The following GALNTL6 variants were observed in gnomAD, a reference collection of about 807,000 sequenced individuals.
GALNTL6 encodes the protein polypeptide N-acetylgalactosaminyltransferase like 6, also known as polypeptide N-acetylgalactosaminyltransferase-like 6.
GALNTL6 carries 46 observed loss-of-function variants against 73.7 expected under a neutral mutation model. That is an observed-to-expected ratio of 0.62 (90% CI 0.49 to 0.80). The LOEUF (loss-of-function observed/expected upper bound fraction) is 0.80. Among genes scored for constraint, GALNTL6 ranks in the 30% least tolerant of loss-of-function variants. The pLI, the probability that GALNTL6 is intolerant of heterozygous loss-of-function variation, is 0.00. For synonymous variants in GALNTL6, 259 were observed against 263.7 expected (o/e 0.98, Z 0.17); for missense variants, 604 against 755.0 (o/e 0.80, Z 2.34).
chr4:172,717,075 C>T (rs1362236173), intron 5 of GALNTL6, among the ~76,000 whole-genome samples: 1 of 152,250 alleles, frequency 6.6e-6, no homozygotes, highest in South Asian at 2.1e-4. Flanking sequence ...CTCACACCTA[C>T]CAGTTTTAAA....
chr4:172,787,339 G>T (rs542056701), intron 5 of GALNTL6, among the ~76,000 whole-genome samples: 2 of 152,252 alleles, frequency 1.3e-5, no homozygotes, highest in East Asian at 1.9e-4. Context: ...ATAGATCAGG[G>T]TTTCTTAATC....
chr4:172,340,422 A>G (rs982629874), intron 4 of GALNTL6, among the ~76,000 whole-genome samples: 8 of 152,232 alleles, frequency 5.3e-5, no homozygotes, highest in African/African-American at 1.7e-4. Flanking sequence ...TCTTGCATCT[A>G]TGTTCATCAG....
chr4:171,948,390 T>C (rs1738767363), intron 2 of GALNTL6, among the ~76,000 whole-genome samples: 1 of 152,200 alleles, frequency 6.6e-6, no homozygotes, highest in Non-Finnish European at 1.5e-5. Flanking sequence ...TGCCAGTGGC[T>C]ATGGCCCTGG....
chr4:172,248,739 A>G (rs2111009051), intron 3 of GALNTL6, among the ~76,000 whole-genome samples: 1 of 152,160 alleles, frequency 6.6e-6, no homozygotes, highest in East Asian at 1.9e-4. Context: ...ATAATGAGTA[A>G]GTTTTCACGA....
At chr4:172,235,457 T>A (rs1298135540) in intron 3 of GALNTL6, among the ~76,000 whole-genome samples, 1 of 152,170 alleles carries the variant, frequency 6.6e-6, no homozygotes, top group Non-Finnish European at 1.5e-5. Flanking sequence ...TCCGCCCACC[T>A]TGGCCTCCCA....
chr4:172,649,218 A>G (rs1464130640), intron 5 of GALNTL6, among the ~76,000 whole-genome samples: 1 of 152,170 alleles, frequency 6.6e-6, no homozygotes, highest in African/African-American at 2.4e-5. Context: ...AGAACAATAC[A>G]TTAGCCTGAA....
intron 2 of GALNTL6, among the ~76,000 whole-genome samples, chr4:172,089,960 T>C (rs1034961053): frequency 6.6e-6 from 1 of 152,212 alleles, no homozygotes; most frequent in Admixed American, 6.5e-5. Context: ...TGTTTAGTTT[T>C]CTGTTCCTGT....
rs933670275 is a variant in GALNTL6, at chr4:173,021,511, C to A, written c.1524C>A (p.Pro508=). 2.5e-6 allele frequency: 4 copies of A among 1,613,970 alleles called. No individual in the cohort carries two copies. In the African/African-American group the frequency reaches 5.3e-5, roughly 22 times the overall value. Residue 508 remains proline (P), a synonymous_variant, in exon 12 of 13, where the codon CCC becomes CCA. Coordinates refer to ENST00000506823, the MANE Select transcript of GALNTL6 (RefSeq NM_001034845.3). The part of the protein sequence containing the change: ...FTFGWREDIR[P]GEPLHTRKFC... ...TTGGATGGAGAGAAGATATTCGACC[C>A]GGTGAGCCACTGCATACCCGGAAAT...
intron 5 of GALNTL6, among the ~76,000 whole-genome samples, chr4:172,528,987 G>GTA (rs1561123775): frequency 1.0e-3 from 6 of 5,798 alleles, no homozygotes; most frequent in Non-Finnish European, 1.4e-3. Flanking sequence ...TTATACATAT[G>GTA]TGTGTATATA....
chr4:172,501,667 C>A (rs1734265680), intron 5 of GALNTL6, among the ~76,000 whole-genome samples: 1 of 152,056 alleles, frequency 6.6e-6, no homozygotes, highest in Admixed American at 6.6e-5. Context: ...AATGAGAGAC[C>A]ACAATATACT....
At chr4:172,046,265 C>T (rs756013365) in intron 2 of GALNTL6, among the ~76,000 whole-genome samples, 3 of 151,940 alleles carry the variant, frequency 2.0e-5, no homozygotes, top group Admixed American at 1.3e-4. Context: ...TGGGCACGTA[C>T]CCAGAAGTGA....
At chr4:172,674,876 G>A (rs752221360) in intron 5 of GALNTL6, among the ~76,000 whole-genome samples, 11 of 152,072 alleles carry the variant, frequency 7.2e-5, no homozygotes, top group Non-Finnish European at 1.5e-4. Context: ...CTCCTGCATT[G>A]TTTTATCATG....
At position 172,813,595 on chromosome 4, in the gene GALNTL6, C is replaced by A. The variant is rs532137474; in HGVS notation, c.795C>A (p.Asp265Glu). Reference sequence around the variant, plus strand: ...TGTGTCCCATGATCGATGTCATTGACCACAATCACTTCGGGTATGAGGCAC... The same window carrying A: ...TGTGTCCCATGATCGATGTCATTGAACACAATCACTTCGGGTATGAGGCAC... ...TIVCPMIDVI[D>E]HNHFGYEAQA... The change falls in exon 7 of 13, where the codon GAC becomes GAA. Residue 265 changes from aspartate to glutamate, a missense_variant. Physicochemically the swap from Asp to Glu is conservative, Grantham distance 45. Coordinates refer to ENST00000506823, the MANE Select transcript of GALNTL6 (RefSeq NM_001034845.3). 6.2e-7 allele frequency: 1 copy of A among 1,613,006 alleles called. No individual in the cohort carries two copies. The highest frequency in any genetic ancestry group is 8.5e-7 in the Non-Finnish European group (1 of 1,179,238).
intron 2 of GALNTL6, among the ~76,000 whole-genome samples, chr4:171,920,920 T>C (rs543715778): frequency 6.8e-4 from 104 of 152,250 alleles, no homozygotes; most frequent in Non-Finnish European, 1.4e-3. Context: ...TGTACCAATA[T>C]TTACTTTTGA....
At chr4:171,851,767 G>T (rs1026032758) in intron 2 of GALNTL6, among the ~76,000 whole-genome samples, 1 of 152,060 alleles carries the variant, frequency 6.6e-6, no homozygotes, top group African/African-American at 2.4e-5. Flanking sequence ...TGTCTGAAAG[G>T]CCATTGCAAT....
intron 2 of GALNTL6, among the ~76,000 whole-genome samples, chr4:172,128,961 A>G (rs955332966): frequency 6.6e-6 from 1 of 152,164 alleles, no homozygotes; most frequent in Non-Finnish European, 1.5e-5. Flanking sequence ...AACCTTTATA[A>G]ACTTTTATCT....
At chr4:172,448,863 A>G (rs1298038297) in intron 5 of GALNTL6, among the ~76,000 whole-genome samples, 1 of 152,154 alleles carries the variant, frequency 6.6e-6, no homozygotes, top group African/African-American at 2.4e-5. Context: ...AGGAGTGACA[A>G]CCTTATAATC....
chr4:172,205,466 G>A (rs1362885682), intron 2 of GALNTL6, among the ~76,000 whole-genome samples: 1 of 152,186 alleles, frequency 6.6e-6, no homozygotes, highest in African/African-American at 2.4e-5. Context: ...AAAGCTGACA[G>A]AGGCCAATCC....
chr4:171,948,562 T>C (rs2111026542), intron 2 of GALNTL6, among the ~76,000 whole-genome samples: 1 of 152,278 alleles, frequency 6.6e-6, no homozygotes, highest in Admixed American at 6.5e-5. Context: ...AAATACATTA[T>C]CTCCCTTTTA....
Sources: gnomAD v4.1 joint callset for allele counts (sites outside exome capture counted in the v4.1 genomes callset) on GRCh38, gnomAD v4.1.1 for gene constraint, MANE v1.5 for transcripts, NCBI Gene and HGNC (gene_info 2026-07-23, HGNC 2026-07-21) for gene names.